Variants in PTPN13 observed in about 807,000 individuals in gnomAD.
The protein encoded by PTPN13 is protein tyrosine phosphatase non-receptor type 13.
In PTPN13, 191 loss-of-function variants were observed where a neutral mutation model predicts 284.0. The observed-to-expected ratio is 0.67, with a 90% CI of 0.60 to 0.76. PTPN13 has a LOEUF of 0.76. PTPN13 is among the 30% of genes least tolerant of loss of function. PTPN13 has a pLI of 0.00. For missense variants in PTPN13, 2,797 were observed against 2,939.9 expected, an observed-to-expected ratio of 0.95 and a Z score of 1.12; for synonymous variants, 986 against 1,022.3, an observed-to-expected ratio of 0.96 and a Z score of 0.68.
chr4:86,670,358 A>G (rs937202254), intron 2 of PTPN13, among the ~76,000 whole-genome samples: 50 of 150,950 alleles, frequency 3.3e-4, no homozygotes, highest in African/African-American at 1.1e-3. Flanking sequence ...CCAAAGTTCT[A>G]ATTCCTGCCA....
chr4:86,690,555 T>C (rs966642533), intron 5 of PTPN13, among the ~76,000 whole-genome samples: 1 of 152,102 alleles, frequency 6.6e-6, no homozygotes, highest in Non-Finnish European at 1.5e-5. Flanking sequence ...AGACTAATAT[T>C]CTTTAAAACT....
intron 2 of PTPN13, among the ~76,000 whole-genome samples, chr4:86,646,290 A>ATT (rs772882076): frequency 1.1e-4 from 15 of 132,844 alleles, no homozygotes; most frequent in African/African-American, 1.7e-4. Flanking sequence ...AATATTTGCA[A>ATT]TTTTTTTTTT....
chr4:86,734,278 T>C, intron 12 of PTPN13, 25 bp from the exon 13 acceptor site: 2 of 1,405,842 alleles, frequency 1.4e-6, no homozygotes, highest in Non-Finnish European at 1.9e-6. Context: ...TTATTTTATC[T>C]GAATATTTTT....
At chr4:86,630,557 C>T (rs1280813851) in intron 1 of PTPN13, among the ~76,000 whole-genome samples, 1 of 152,038 alleles carries the variant, frequency 6.6e-6, no homozygotes, top group Non-Finnish European at 1.5e-5. Flanking sequence ...TCTGAATCTT[C>T]CTGGATGAAA....
Position 86,772,631 on chromosome 4 carries a change from C to T in PTPN13, c.5169-147C>T, listed in dbSNP as rs546669652. The T allele has an allele frequency of 5.9e-5, 32 of 546,398 alleles. No individual in the cohort carries two copies. In the South Asian group the frequency reaches 1.2e-3, roughly 21 times the overall value. The allele number at this position is 546,398 out of a possible 1,614,324, so 33.8% of individuals were successfully genotyped here. A position where few individuals can be genotyped will look rare whatever the true frequency, so the allele number is the denominator to read the frequency against. The stretch of plus-strand genomic sequence containing the variant: ...ACATTTAACAGATATGGAGTAAATT[C>T]ATAGTCCAGAGTCATACAAAAAGTA... On this transcript the variant is annotated intron_variant, in intron 31 of 47. Coordinates refer to ENST00000411767, the MANE Select transcript of PTPN13 (RefSeq NM_080683.3).
At chr4:86,629,507 G>T (rs1306539324) in intron 1 of PTPN13, among the ~76,000 whole-genome samples, 1 of 151,962 alleles carries the variant, frequency 6.6e-6, no homozygotes, top group African/African-American at 2.4e-5. Context: ...GTGGGACTGT[G>T]GTTCATTTTT....
chr4:86,700,645 A>G (rs1399621234), intron 6 of PTPN13, among the ~76,000 whole-genome samples: 1 of 152,170 alleles, frequency 6.6e-6, no homozygotes, highest in East Asian at 1.9e-4. Flanking sequence ...TAACTTAAAC[A>G]CAGTCAAAAT....
At chr4:86,772,980 T>A in intron 32 of PTPN13, 22 bp downstream of exon 32, 6 of 1,445,766 alleles carry the variant, frequency 4.2e-6, no homozygotes, top group Non-Finnish European at 5.6e-6. Context: ...TCTCTATATT[T>A]AAAAAAAAAT....
At chr4:86,650,946 T>C (rs376121133) in intron 2 of PTPN13, among the ~76,000 whole-genome samples, 9 of 152,194 alleles carry the variant, frequency 5.9e-5, no homozygotes, top group Admixed American at 4.6e-4. Flanking sequence ...CTAGAACTTC[T>C]AGTTTTATTT....
At chr4:86,779,698 T>C (rs1429215396) in intron 35 of PTPN13, among the ~76,000 whole-genome samples, 1 of 152,150 alleles carries the variant, frequency 6.6e-6, no homozygotes, top group Non-Finnish European at 1.5e-5. Context: ...GAACTTTAAG[T>C]ATATTGCCTC....
chr4:86,648,379 T>A (rs1724682545), intron 2 of PTPN13, among the ~76,000 whole-genome samples: 1 of 152,104 alleles, frequency 6.6e-6, no homozygotes, highest in Non-Finnish European at 1.5e-5. Flanking sequence ...CCCCCCTCCA[T>A]ACTATCTTTC....
At chr4:86,777,534 C>A (rs1011942568) in intron 35 of PTPN13, among the ~76,000 whole-genome samples, 10 of 152,094 alleles carry the variant, frequency 6.6e-5, no homozygotes, top group Non-Finnish European at 1.0e-4. Context: ...GTAATATCTT[C>A]AGAGGTTCTG....
At chr4:86,620,234 C>T (rs998409018) in intron 1 of PTPN13, among the ~76,000 whole-genome samples, 6 of 152,248 alleles carry the variant, frequency 3.9e-5, no homozygotes, top group Middle Eastern at 3.4e-3. Flanking sequence ...GGCACAGGCC[C>T]GGTTCACTGC....
intron 3 of PTPN13, among the ~76,000 whole-genome samples, chr4:86,685,288 C>CT (rs1488579029): frequency 3.3e-5 from 5 of 152,052 alleles, no homozygotes; most frequent in Non-Finnish European, 7.4e-5. Context: ...CAAATCAAAA[C>CT]TGCAGTGAGG....
intron 2 of PTPN13, 118 bp from the exon 3 acceptor site, chr4:86,672,247 A>T: frequency 1.3e-6 from 1 of 783,142 alleles, no homozygotes; most frequent in Non-Finnish European, 1.9e-6. Flanking sequence ...ACTACTTATT[A>T]ACATCTATAC....
chr4:86,773,273 G>A (rs1456329278), intron 32 of PTPN13, among the ~76,000 whole-genome samples: 1 of 152,184 alleles, frequency 6.6e-6, no homozygotes, highest in Non-Finnish European at 1.5e-5. Context: ...TTGTGGTGAA[G>A]ATTAAATGAA....
intron 32 of PTPN13, among the ~76,000 whole-genome samples, chr4:86,774,154 C>T (rs1327561335): frequency 1.3e-5 from 2 of 152,092 alleles, no homozygotes; most frequent in Non-Finnish European, 2.9e-5. Flanking sequence ...TAATGTTGTG[C>T]TTAAACATAA....
intron 1 of PTPN13, among the ~76,000 whole-genome samples, chr4:86,600,542 GAT>G (rs950764969): frequency 6.9e-6 from 1 of 144,282 alleles, no homozygotes; most frequent in African/African-American, 2.6e-5. Flanking sequence ...TTTTGTGTAC[GAT>G]ATCAGTTTCA....
intron 2 of PTPN13, among the ~76,000 whole-genome samples, chr4:86,663,294 G>A (rs907292074): frequency 2.6e-5 from 4 of 152,218 alleles, no homozygotes; most frequent in South Asian, 4.1e-4. Flanking sequence ...TTGAAAACCC[G>A]AAGGTACAAT....
Sources: allele counts gnomAD v4.1 joint callset (sites outside exome capture counted in the v4.1 genomes callset), GRCh38; gene constraint gnomAD v4.1.1; transcripts MANE v1.5; gene names NCBI Gene and HGNC (gene_info 2026-07-23, HGNC 2026-07-21).